AFF2: variants seen among roughly 807,000 people sequenced by gnomAD.
AFF2 encodes the protein ALF transcription elongation factor 2, also known as AF4/FMR2 family member 2.
AFF2 carries 14 observed loss-of-function variants against 76.9 expected under a neutral mutation model. The observed-to-expected ratio is 0.18, with a 90% CI of 0.12 to 0.28. The LOEUF is 0.28. AFF2 is among the 10% of genes least tolerant of loss of function. The pLI, the probability that AFF2 is intolerant of heterozygous loss-of-function variation, is 1.00. For synonymous variants in AFF2, 398 were observed against 366.7 expected (o/e 1.09, Z -0.98); for missense variants, 868 against 1,001.1 (o/e 0.87, Z 1.79).
At chrX:148,683,209 G>T (rs1261214193) in intron 3 of AFF2, among the ~76,000 whole-genome samples, 1 of 111,921 alleles carries the variant, frequency 8.9e-6, no homozygotes, top group Non-Finnish European at 1.9e-5. Flanking sequence ...TTCTTTAAAA[G>T]GCTGTGTGAC....
intron 20 of AFF2, among the ~76,000 whole-genome samples, chrX:148,988,049 T>C (rs1294483891): frequency 8.9e-6 from 1 of 111,822 alleles, no homozygotes; most frequent in Non-Finnish European, 1.9e-5. Context: ...CACCGATGGC[T>C]GGGATGAAGA....
chrX:148,599,614 G>T (rs915419929), intron 1 of AFF2, among the ~76,000 whole-genome samples: 9 of 111,502 alleles, frequency 8.1e-5, no homozygotes, highest in African/African-American at 2.9e-4. Flanking sequence ...TGGTCTCTCA[G>T]CTTATCTCGG....
Position 148,936,955 on chromosome X carries a change from A to T in AFF2, c.1398-16625A>T, listed in dbSNP as rs1477030187. ...GCAGGGCTGAAATACTCAGGTTAATATGTGACATTACTCAGAGGCTCAGTA... is the reference window on the plus strand; with the variant it reads ...GCAGGGCTGAAATACTCAGGTTAATTTGTGACATTACTCAGAGGCTCAGTA... On this transcript the variant is annotated intron_variant, in intron 9 of 20. Coordinates refer to ENST00000370460, the MANE Select transcript of AFF2 (RefSeq NM_002025.4). Among the ~76,000 whole-genome samples, 4 of 112,243 alleles carry T rather than the reference A, an allele frequency of 3.6e-5. No individual in the cohort carries two copies. In the East Asian group the frequency reaches 1.1e-3, roughly 32 times the overall value.
chrX:148,797,229 AAC>A (rs201191922), intron 3 of AFF2, among the ~76,000 whole-genome samples: 6,171 of 111,764 alleles, frequency 0.055, 408 homozygotes, highest in African/African-American at 0.19. Flanking sequence ...TGACAGACTT[AAC>A]AGACACGAGT....
At chrX:148,915,670 A>T (rs1461095725) in intron 9 of AFF2, among the ~76,000 whole-genome samples, 1 of 112,493 alleles carries the variant, frequency 8.9e-6, no homozygotes, top group Non-Finnish European at 1.9e-5. Context: ...ATCACAACTT[A>T]TTCATCTCTC....
At chrX:148,830,905 G>A (rs1410293403) in intron 4 of AFF2, among the ~76,000 whole-genome samples, 2 of 110,695 alleles carry the variant, frequency 1.8e-5, no homozygotes, top group Non-Finnish European at 3.8e-5. Context: ...TGGGAGACCC[G>A]GGCTTATTTC....
chrX:148,905,750 A>G (rs1557281375), intron 9 of AFF2, among the ~76,000 whole-genome samples: 1 of 112,816 alleles, frequency 8.9e-6, no homozygotes, highest in African/African-American at 3.2e-5. Context: ...TTTTGCATGC[A>G]TGGAATAGCC....
chrX:148,591,656 T>A (rs372729378), intron 1 of AFF2, among the ~76,000 whole-genome samples: 1 of 112,349 alleles, frequency 8.9e-6, no homozygotes, highest in East Asian at 2.8e-4. Context: ...TATTCCATCA[T>A]TAGCGAAGAA....
At position 148,563,350 on chromosome X, in the gene AFF2, T is replaced by C. The variant is rs781814019; in HGVS notation, c.47+62206T>C. ...TTTTAAAGGGGCACATTGGCTGCTA[T>C]GTGGGGAACAAAATGTAGGAAGGCA... On this transcript the variant is annotated intron_variant, in intron 1 of 20. Coordinates refer to ENST00000370460, the MANE Select transcript of AFF2 (RefSeq NM_002025.4). Among the ~76,000 whole-genome samples, 14 of 111,738 alleles carry C rather than the reference T, an allele frequency of 1.3e-4. No homozygotes were observed. In the South Asian group the frequency reaches 5.2e-3, roughly 42 times the overall value.
intron 3 of AFF2, among the ~76,000 whole-genome samples, chrX:148,723,337 G>A (rs181203674): frequency 1.1e-3 from 126 of 111,846 alleles, no homozygotes; most frequent in African/African-American, 3.3e-3. Context: ...TGATAAGGGA[G>A]AAATTTAATG....
intron 20 of AFF2, among the ~76,000 whole-genome samples, chrX:148,988,537 G>A (rs2072499450): frequency 8.9e-6 from 1 of 112,029 alleles, no homozygotes; most frequent in African/African-American, 3.2e-5. Flanking sequence ...GATGATGATG[G>A]TGAAACGTCC....
At chrX:148,504,856 C>G (rs1293951880) in intron 1 of AFF2, among the ~76,000 whole-genome samples, 1 of 111,390 alleles carries the variant, frequency 9.0e-6, no homozygotes, top group Non-Finnish European at 1.9e-5. Flanking sequence ...GCGCACAGGT[C>G]TTCCGAGGCC....
intron 3 of AFF2, among the ~76,000 whole-genome samples, chrX:148,718,513 C>T (rs929608930): frequency 1.8e-5 from 2 of 110,944 alleles, no homozygotes; most frequent in Non-Finnish European, 3.8e-5. Context: ...TCTTCAAGTT[C>T]GAAATGATAT....
rs73614097 is a variant in AFF2, at chrX:148,995,304, C to T, written c.*3972C>T. On this transcript the variant is annotated 3_prime_UTR_variant, in exon 21 of 21. Transcript: ENST00000370460. ...CTGGCAGGAGACTAATCAGATAGGC[C>T]GGTCTCAGACATTAATCCTACCATC... 1 of 110,667 alleles carries T rather than the reference C, an allele frequency of 9.0e-6. No individual in the cohort carries two copies. Among genetic ancestry groups the T allele is most frequent in the African/African-American group, 3.3e-5 (1 of 30,259 alleles). The allele number at this position is 110,667 out of a possible 1,213,427, so 9.1% of individuals were successfully genotyped here.
chrX:148,526,178 G>A (rs1270720321), intron 1 of AFF2, among the ~76,000 whole-genome samples: 1 of 110,817 alleles, frequency 9.0e-6, no homozygotes, highest in Middle Eastern at 4.3e-3. Context: ...TCATTTAGTC[G>A]GTGGATTCTT....
intron 9 of AFF2, among the ~76,000 whole-genome samples, chrX:148,919,449 G>A (rs929819879): frequency 1.8e-5 from 2 of 110,736 alleles, no homozygotes; most frequent in Admixed American, 9.7e-5. Flanking sequence ...ACCTCATGTC[G>A]AATTGGATTT....
intron 3 of AFF2, among the ~76,000 whole-genome samples, chrX:148,794,623 T>A (rs1479181237): frequency 8.9e-6 from 1 of 112,201 alleles, no homozygotes; most frequent in Non-Finnish European, 1.9e-5. Context: ...CAAGATCTTC[T>A]TCACTTTCAA....
At chrX:148,529,836 G>C (rs370306290) in intron 1 of AFF2, among the ~76,000 whole-genome samples, 1 of 111,726 alleles carries the variant, frequency 9.0e-6, no homozygotes, top group Admixed American at 9.5e-5. Flanking sequence ...AATTGGAAAT[G>C]GTTTTCCTCT....
intron 3 of AFF2, among the ~76,000 whole-genome samples, chrX:148,668,846 G>A (rs1451856340): frequency 8.9e-6 from 1 of 112,185 alleles, no homozygotes; most frequent in Admixed American, 9.4e-5. Flanking sequence ...GTTAACATTC[G>A]GCTCCTTGTT....
Sources: gnomAD v4.1 joint callset for allele counts (sites outside exome capture counted in the v4.1 genomes callset) on GRCh38, gnomAD v4.1.1 for gene constraint, MANE v1.5 for transcripts, NCBI Gene and HGNC (gene_info 2026-07-23, HGNC 2026-07-21) for gene names.